Variants in JAZF1 observed in about 807,000 individuals in gnomAD.
JAZF1 encodes JAZF zinc finger 1.
In JAZF1, 8 loss-of-function variants were observed where a neutral mutation model predicts 26.4. The ratio of observed to expected loss-of-function variants is 0.30; its 90% CI spans 0.18 to 0.55. The LOEUF (loss-of-function observed/expected upper bound fraction) is 0.55, where lower values mean the gene tolerates loss of function less well. Ranked by LOEUF, JAZF1 falls within the 20% of genes least tolerant of loss-of-function variation. The probability of loss-of-function intolerance (pLI) is 0.94; values close to 1 mark genes in which losing one functional copy is unlikely to be tolerated. For synonymous variants in JAZF1, 126 were observed against 122.3 expected (o/e 1.03, Z -0.20); for missense variants, 199 against 322.0 (o/e 0.62, Z 2.92).
At chr7:27,896,944 T>C (rs981676466) in intron 2 of JAZF1, among the ~76,000 whole-genome samples, 1 of 152,220 alleles carries the variant, frequency 6.6e-6, no homozygotes, top group Non-Finnish European at 1.5e-5. Flanking sequence ...AAGAGAATTG[T>C]TTGCACCTGG....
At chr7:28,171,033 A>G (rs1369637879) in intron 1 of JAZF1, among the ~76,000 whole-genome samples, 1 of 152,242 alleles carries the variant, frequency 6.6e-6, no homozygotes, top group Admixed American at 6.5e-5. Flanking sequence ...TAGTATTACT[A>G]TCTCATATAA....
chr7:27,849,185 T>C (rs1783085136), intron 3 of JAZF1, among the ~76,000 whole-genome samples: 1 of 152,224 alleles, frequency 6.6e-6, no homozygotes, highest in Non-Finnish European at 1.5e-5. Flanking sequence ...GGAGACGGGC[T>C]GCAGGGAGAG....
intron 1 of JAZF1, among the ~76,000 whole-genome samples, chr7:28,111,838 C>T (rs1784665775): frequency 6.6e-6 from 1 of 152,192 alleles, no homozygotes; most frequent in Admixed American, 6.5e-5. Context: ...AGTAGGGTGG[C>T]TCTGTGCCTT....
intron 3 of JAZF1, among the ~76,000 whole-genome samples, chr7:27,881,063 C>T (rs150774084): frequency 6.6e-6 from 1 of 152,318 alleles, no homozygotes; most frequent in East Asian, 1.9e-4. Flanking sequence ...ATTTATTATA[C>T]AGTTATTCCA....
intron 2 of JAZF1, among the ~76,000 whole-genome samples, chr7:27,963,557 T>A (rs1376652338): frequency 1.7e-5 from 2 of 116,862 alleles, no homozygotes; most frequent in African/African-American, 7.6e-5. Context: ...ATGTTTGCAA[T>A]TCCCCCCCCC....
intron 2 of JAZF1, among the ~76,000 whole-genome samples, chr7:27,983,308 G>A (rs1368682420): frequency 2.0e-5 from 3 of 152,206 alleles, no homozygotes; most frequent in African/African-American, 7.2e-5. Context: ...GAATGCACAA[G>A]CTTCAGTAGC....
chr7:27,846,294 G>A (rs1783028963), intron 3 of JAZF1, among the ~76,000 whole-genome samples: 1 of 151,588 alleles, frequency 6.6e-6, no homozygotes, highest in Non-Finnish European at 1.5e-5. Context: ...CTTTTTGTAA[G>A]GCTGAATAGT....
chr7:27,929,936 T>TTCTCTCTCTCTCTCTC (rs112011020), intron 2 of JAZF1, among the ~76,000 whole-genome samples: 6 of 144,712 alleles, frequency 4.1e-5, no homozygotes, highest in South Asian at 2.2e-4. Flanking sequence ...ATTTTCTGCA[T>TTCTCTCTCTCTCTCTC]TCTCTCTCTC....
chr7:28,026,329 A>G (rs1783093419), intron 1 of JAZF1, among the ~76,000 whole-genome samples: 1 of 152,192 alleles, frequency 6.6e-6, no homozygotes, highest in Non-Finnish European at 1.5e-5. Flanking sequence ...CAGTGGAGGA[A>G]GTCTGTTTTT....
intron 1 of JAZF1, among the ~76,000 whole-genome samples, chr7:28,141,911 T>C (rs1270973094): frequency 1.3e-5 from 2 of 152,192 alleles, no homozygotes; most frequent in Non-Finnish European, 2.9e-5. Context: ...AATATTAATA[T>C]ATAACCTCTT....
intron 2 of JAZF1, among the ~76,000 whole-genome samples, chr7:27,944,488 T>C (rs916725705): frequency 6.6e-6 from 1 of 152,210 alleles, no homozygotes; most frequent in African/African-American, 2.4e-5. Flanking sequence ...TAGTGGTAGA[T>C]TATTTGTTTT....
At chr7:28,099,874 T>C (rs1784445104) in intron 1 of JAZF1, among the ~76,000 whole-genome samples, 1 of 152,180 alleles carries the variant, frequency 6.6e-6, no homozygotes, top group Admixed American at 6.5e-5. Context: ...CCTTTTAGTC[T>C]CCAAGATTTC....
At chr7:28,087,969 C>T (rs569425285) in intron 1 of JAZF1, among the ~76,000 whole-genome samples, 124 of 152,236 alleles carry the variant, frequency 8.1e-4, no homozygotes, top group Middle Eastern at 6.8e-3. Context: ...TGACAAAGGG[C>T]CTTTATTTCT....
rs1482755398 is a variant in JAZF1, at chr7:27,840,643, A to G, written c.555+55T>C. 1 of 1,569,866 alleles carries G rather than the reference A, an allele frequency of 6.4e-7. No homozygotes were observed. Among genetic ancestry groups the G allele is most frequent in the Non-Finnish European group, 8.7e-7 (1 of 1,146,974 alleles). On this transcript the variant is annotated intron_variant, in intron 4 of 4. Coordinates refer to ENST00000283928, the MANE Select transcript of JAZF1 (RefSeq NM_175061.4). This position sits in a 1 kb window ranked among gnomAD's most constrained non-coding sequence, Gnocchi z 5.1. ...AATCAAGAAAGGGCTGCTGCCTTCC[A>G]TGAAGCTTGCCCTGTTTCCATGTGG...
intron 1 of JAZF1, among the ~76,000 whole-genome samples, chr7:28,019,329 C>T (rs533769980): frequency 2.0e-4 from 31 of 152,284 alleles, no homozygotes; most frequent in South Asian, 4.1e-4. Flanking sequence ...ATAATCTTAC[C>T]GTGTCTGGGG....
intron 2 of JAZF1, among the ~76,000 whole-genome samples, chr7:27,983,167 T>C (rs963904905): frequency 1.3e-5 from 2 of 152,172 alleles, no homozygotes; most frequent in African/African-American, 4.8e-5. Context: ...AAGGAGGATG[T>C]TCGAACCCAT....
chr7:27,893,872 T>A (rs891272585), intron 3 of JAZF1, among the ~76,000 whole-genome samples: 2 of 152,152 alleles, frequency 1.3e-5, no homozygotes, highest in African/African-American at 4.8e-5. Context: ...CACGCTCTGC[T>A]CAGGGTCCAG....
chr7:27,875,220 C>A (rs739899), intron 3 of JAZF1, among the ~76,000 whole-genome samples: 58,525 of 151,844 alleles, frequency 0.39, 11,488 homozygotes, highest in East Asian at 0.56. Flanking sequence ...TCTCTTCCAG[C>A]CTCATCCAAC....
intron 1 of JAZF1, among the ~76,000 whole-genome samples, chr7:28,017,374 T>G (rs1042794284): frequency 1.3e-5 from 2 of 151,518 alleles, no homozygotes; most frequent in African/African-American, 4.9e-5. Context: ...AAAAAGCCAT[T>G]ATTTAACTTA....
Sources: gnomAD v4.1 joint callset for allele counts (sites outside exome capture counted in the v4.1 genomes callset) on GRCh38, gnomAD v4.1.1 for gene constraint, Gnocchi (gnomAD v3.1) non-coding constraint, MANE v1.5 for transcripts, NCBI Gene and HGNC (gene_info 2026-07-23, HGNC 2026-07-21) for gene names.